The following ZNF530 variants were observed in gnomAD, a reference collection of about 807,000 sequenced individuals.
ZNF530 encodes zinc finger protein 530.
ZNF530 carries 5 observed loss-of-function variants against 2.8 expected under a neutral mutation model. The observed-to-expected ratio is 1.80, with a 90% CI of 0.94 to 3.78. The LOEUF (loss-of-function observed/expected upper bound fraction) is 3.78, where lower values mean the gene tolerates loss of function less well. Among genes scored for constraint, ZNF530 ranks in the 30% most tolerant of loss-of-function variants. The probability of loss-of-function intolerance (pLI) is 0.00; values close to 1 mark genes in which losing one functional copy is unlikely to be tolerated. For synonymous variants in ZNF530, 229 were observed against 235.0 expected (o/e 0.97, Z 0.23); for missense variants, 619 against 673.3 (o/e 0.92, Z 0.89).
intron 1 of ZNF530, 126 bp downstream of exon 1, chr19:57,600,260 C>T: frequency 8.4e-7 from 1 of 1,193,368 alleles, no homozygotes; most frequent in South Asian, 2.0e-5. Context: ...GATCTCGTTT[C>T]TGGTAGTGTG....
chr19:57,606,930 G>A lies in ZNF530; in HGVS notation c.1306G>A (p.Glu436Lys), dbSNP rs1969759693. The A allele has an allele frequency of 6.2e-7, 1 of 1,613,992 alleles. No homozygotes were observed. ...KTKPYECSECEKSFSCKTDLI... is the reference protein window; with the variant it reads ...KTKPYECSECKKSFSCKTDLI... The stretch of plus-strand genomic sequence containing the variant: ...AAAGCCTTATGAGTGCAGTGAATGT[G>A]AAAAATCATTTAGTTGCAAAACTGA... Residue 436 changes from glutamate (E) to lysine (K), a missense_variant, in exon 4 of 4, where the codon GAA becomes AAA. Physicochemically the swap from Glu to Lys is moderately conservative, Grantham distance 56 (BLOSUM62 1). Coordinates refer to ENST00000597700, the MANE Select transcript of ZNF530 (RefSeq NM_001321981.2).
chr19:57,601,289 A>C (rs573310262), intron 2 of ZNF530, among the ~76,000 whole-genome samples: 5 of 152,254 alleles, frequency 3.3e-5, no homozygotes, highest in Non-Finnish European at 7.4e-5. Flanking sequence ...AGTCCAGGTG[A>C]GTGTAGATGA....
At chr19:57,601,724 G>T (rs1472170748) in intron 2 of ZNF530, among the ~76,000 whole-genome samples, 3 of 152,166 alleles carry the variant, frequency 2.0e-5, no homozygotes, top group Non-Finnish European at 4.4e-5. Flanking sequence ...AGTTTATAAA[G>T]AAACAAGGTT....
intron 2 of ZNF530, among the ~76,000 whole-genome samples, chr19:57,602,483 G>C (rs764899829): frequency 4.6e-5 from 7 of 152,112 alleles, no homozygotes; most frequent in Non-Finnish European, 1.0e-4. Flanking sequence ...TGGGATTCCT[G>C]GTCATGATGA....
Position 57,607,721 on chromosome 19 carries a change from A to G in ZNF530, c.*396A>G, listed in dbSNP as rs1351890066. ...TGCTGTGAATGTGTTTTTGCTTGTT[A>G]GTTTGTTTTAACTTGGTATGACGGC... On this transcript the variant is annotated 3_prime_UTR_variant, in exon 4 of 4. Transcript: ENST00000597700. The G allele has an allele frequency of 5.2e-6, 1 of 192,910 alleles. No individual in the cohort carries two copies. Among genetic ancestry groups the G allele is most frequent in the Non-Finnish European group, 1.1e-5 (1 of 92,818 alleles). 11.9% of individuals were successfully genotyped at this position (192,910 alleles called of 1,614,324 possible). A position where few individuals can be genotyped will look rare whatever the true frequency, so the allele number is the denominator to read the frequency against.
Position 57,605,944 on chromosome 19 carries a change from A to T in ZNF530, c.320A>T (p.Asp107Val). ...AACCTTCACCAGCTCCAGAAGCTTG[A>T]TAATGGAGAGAAGCTCTTTAAAGTG... is the stretch of plus-strand genomic sequence containing the variant. Reference protein sequence around the residue: ...SSNLHQLQKLDNGEKLFKVDG... With the variant: ...SSNLHQLQKLVNGEKLFKVDG... Residue 107 changes from aspartate (D) to valine (V), a missense_variant, in exon 4 of 4, where the codon GAT becomes GTT. By Grantham distance (152) the Asp-to-Val change is radical. Coordinates refer to ENST00000597700, the MANE Select transcript of ZNF530 (RefSeq NM_001321981.2). 6.2e-7 allele frequency: 1 copy of T among 1,614,222 alleles called. No homozygotes were observed. Among genetic ancestry groups the T allele is most frequent in the South Asian group, 1.1e-5 (1 of 91,084 alleles).
intron 3 of ZNF530, 100 bp downstream of exon 3, chr19:57,604,506 A>G (rs1470873260): frequency 6.8e-7 from 1 of 1,474,524 alleles, no homozygotes; most frequent in Non-Finnish European, 9.1e-7. Flanking sequence ...CCTGAGCTCT[A>G]CAGACCTTCC....
rs763568276 is a variant in ZNF530, at chr19:57,606,347, A to G, written c.723A>G (p.Lys241=). 6.2e-6 allele frequency: 10 copies of G among 1,614,252 alleles called. No individual in the cohort carries two copies. The highest frequency in any genetic ancestry group is 8.5e-6 in the Non-Finnish European group (10 of 1,180,054). ...TRTHECSECG[K]SFSRKTHLTQ... ...CTCATGAATGTAGTGAATGTGGGAA[A>G]TCATTTAGTCGCAAAACTCACCTAA... is the stretch of plus-strand genomic sequence containing the variant. The change falls in exon 4 of 4, where the codon AAA becomes AAG. Residue 241 remains lysine, a synonymous_variant. Transcript: ENST00000597700.
rs1443687266 is a variant in ZNF530, at chr19:57,600,133, A to C, written c.-123A>C. The C allele has an allele frequency of 1.1e-5, 17 of 1,570,746 alleles. No individual in the cohort carries two copies. The East Asian group carries it at 3.8e-4, about 35-fold the overall frequency. ...GCGGCGGCACTGAGGGCCCCGACCC[A>C]GGTGAGCGCTGCGTCCTCCCGGCCT... is the stretch of plus-strand genomic sequence containing the variant. On this transcript the variant is annotated splice_region_variant and 5_prime_UTR_variant, in exon 1 of 4. Coordinates refer to ENST00000597700, the MANE Select transcript of ZNF530 (RefSeq NM_001321981.2).
At chr19:57,600,276 G>A (rs1980166466) in intron 1 of ZNF530, 142 bp downstream of exon 1, 2 of 1,093,602 alleles carry the variant, frequency 1.8e-6, no homozygotes, top group Non-Finnish European at 2.5e-6. Context: ...GTGTGGCAGG[G>A]AGCGGGAGAG....
At chr19:57,601,892 T>C (rs1327801396) in intron 2 of ZNF530, among the ~76,000 whole-genome samples, 3 of 152,182 alleles carry the variant, frequency 2.0e-5, no homozygotes, top group Non-Finnish European at 4.4e-5. Flanking sequence ...CCAGGTCTCA[T>C]GTGAACTTAT....
rs1980594555 is a variant in ZNF530 at position 57,606,984 on chromosome 19, G to A, written c.1360G>A (p.Gly454Arg). 3.7e-6 allele frequency: 6 copies of A among 1,613,984 alleles called. No homozygotes were observed. The highest frequency in any genetic ancestry group is 5.1e-6 in the Non-Finnish European group (6 of 1,180,016). Residue 454 changes from glycine to arginine, a missense_variant, in exon 4 of 4, where the codon GGA (glycine) becomes AGA (arginine). Transcript: ENST00000597700. ...CATTCGACACCAGACAGTTCACACT[G>A]GAGAAAGGCCTTATGAGTGCAGTGT... is the stretch of plus-strand genomic sequence containing the variant. ...DLIRHQTVHT[G>R]ERPYECSVCG... is the part of the protein sequence containing the mutation.
chr19:57,610,017 A>G lies in ZNF530; in HGVS notation c.*2692A>G, dbSNP rs1980810508. Among the ~76,000 whole-genome samples, 1 of 152,214 alleles carries G rather than the reference A, an allele frequency of 6.6e-6. No individual in the cohort carries two copies. The highest frequency in any genetic ancestry group is 2.4e-5 in the African/African-American group (1 of 41,458). ...GTAAACCAGACTTTTTGAAGTGTCA[A>G]TGACCAAGATTGTTATTGCATCCAT... On this transcript the variant is annotated 3_prime_UTR_variant, in exon 4 of 4. Transcript: ENST00000597700.
Position 57,607,030 on chromosome 19 carries a change from GA to G in ZNF530, c.1411del (p.Thr471ProfsTer88). The G allele has an allele frequency of 6.2e-7, 1 of 1,611,378 alleles. No individual in the cohort carries two copies. The highest frequency in any genetic ancestry group is 1.1e-5 in the South Asian group (1 of 90,924). ...ECSVCGKSFI[R>X]KTHLIRHQTV... The stretch of plus-strand genomic sequence containing the variant: ...AGTGTATGTGGGAAATCTTTTATCC[GA>G]AAAACCCACCTCATTCGACACCAGA... On this transcript the variant is annotated frameshift_variant, in exon 4 of 4. Transcript: ENST00000597700. LOFTEE classifies it low-confidence loss of function (END_TRUNC).
At chr19:57,610,553 G>A (rs763492486), downstream of ZNF530, among the ~76,000 whole-genome samples, 1 of 151,910 alleles carries the variant, frequency 6.6e-6, no homozygotes, top group Non-Finnish European at 1.5e-5. Context: ...CACTTCTATT[G>A]GAAACTGGAC....
Position 57,599,922 on chromosome 19 carries a change from C to T in ZNF530, c.-334C>T. The T allele has an allele frequency of 3.3e-6, 2 of 611,100 alleles. No homozygotes were observed. Among genetic ancestry groups the T allele is most frequent in the Non-Finnish European group, 5.4e-6 (2 of 372,432 alleles). 37.9% of individuals were successfully genotyped at this position (611,100 alleles called of 1,614,324 possible). On this transcript the variant is annotated 5_prime_UTR_variant, in exon 1 of 4. Transcript: ENST00000597700. The stretch of plus-strand genomic sequence containing the variant: ...GTCCTCCCTGTGGCGGGCACTTTGG[C>T]TTGTGTCAGTTCCATCCGCGGGTGC...
In ZNF530 at chr19:57,607,403, T is replaced by G. The variant is rs372792022; in HGVS notation, c.*78T>G. On this transcript the variant is annotated 3_prime_UTR_variant, in exon 4 of 4. Coordinates refer to ENST00000597700, the MANE Select transcript of ZNF530 (RefSeq NM_001321981.2). Reference sequence around the variant, plus strand: ...CTCGTCACCCAGGCTGGAGTGCAATTGTGCAATCTCAGCTCACTGCAACCT... The same window carrying G: ...CTCGTCACCCAGGCTGGAGTGCAATGGTGCAATCTCAGCTCACTGCAACCT... The G allele has an allele frequency of 1.8e-5, 25 of 1,419,232 alleles. No homozygotes were observed. The highest frequency in any genetic ancestry group is 9.0e-5 in the Admixed American group (4 of 44,342). The allele number at this position is 1,419,232 out of a possible 1,614,324, so 87.9% of individuals were successfully genotyped here.
In ZNF530 at chr19:57,601,290, G is replaced by A. The variant is rs909473969; in HGVS notation, c.-70+511G>A. On this transcript the variant is annotated intron_variant, in intron 2 of 3. Transcript: ENST00000597700. ...GAGACTACTGCAATAGTCCAGGTGA[G>A]TGTAGATGATGTGGGCCAGAGTAGT... is the stretch of plus-strand genomic sequence containing the variant. Among the ~76,000 whole-genome samples the A allele has an allele frequency of 2.6e-5, 4 of 152,354 alleles. 1 individual carries two copies. The Middle Eastern group carries it at 0.01, about 389-fold the overall frequency.
downstream of ZNF530, chr19:57,612,408 C>G (rs1160219033): frequency 5.3e-5 from 21 of 399,044 alleles, no homozygotes; most frequent in East Asian, 7.1e-4. Flanking sequence ...TTGAATATTT[C>G]TTAGAACTAT....
Sources: allele counts gnomAD v4.1 joint callset (sites outside exome capture counted in the v4.1 genomes callset), GRCh38; gene constraint gnomAD v4.1.1; transcripts MANE v1.5; gene names NCBI Gene and HGNC (gene_info 2026-07-23, HGNC 2026-07-21).